Variants in BTAF1 observed in about 807,000 individuals in gnomAD.
BTAF1 encodes B-TFIID TATA-box binding protein associated factor 1.
Under a neutral mutation model 227.1 loss-of-function variants are expected in BTAF1, and 38 were observed. The observed-to-expected ratio is 0.17, with a 90% CI of 0.13 to 0.22. The LOEUF (loss-of-function observed/expected upper bound fraction) is 0.22, where lower values mean the gene tolerates loss of function less well. Ranked by LOEUF, BTAF1 falls within the 10% of genes least tolerant of loss-of-function variation. BTAF1 has a pLI of 1.00. For missense variants in BTAF1, 1,598 were observed against 2,204.0 expected (o/e 0.73, Z 5.51); for synonymous variants, 742 against 751.9 (o/e 0.99, Z 0.21).
At chr10:91,966,298 CTAGGATACA>C (rs1846906732) in intron 13 of BTAF1, among the ~76,000 whole-genome samples, 1 of 152,134 alleles carries the variant, frequency 6.6e-6, no homozygotes, top group Non-Finnish European at 1.5e-5. Flanking sequence ...TGACTACCAG[CTAGGATACA>C]TGTCCCATTT....
In BTAF1 at chr10:91,959,218, G is replaced by A. The variant is rs1408747971; in HGVS notation, c.990+64G>A. The A allele has an allele frequency of 2.5e-6, 4 of 1,609,150 alleles. No homozygotes were observed. In the African/African-American group the frequency reaches 4.0e-5, roughly 16 times the overall value. ...TAGTTGGCATCTTTTTCCAATGTAG[G>A]GAAGTAACGAGTATGTGCCGTGAAG... On this transcript the variant is annotated intron_variant, in intron 9 of 37. Transcript: ENST00000265990.
At chr10:91,940,278 T>G (rs1023795986) in intron 3 of BTAF1, among the ~76,000 whole-genome samples, 1 of 152,152 alleles carries the variant, frequency 6.6e-6, no homozygotes, top group Non-Finnish European at 1.5e-5. Flanking sequence ...TTGTATACAT[T>G]TTAAATTACA....
At chr10:92,014,861 C>T (rs573877304) in intron 32 of BTAF1, among the ~76,000 whole-genome samples, 54 of 152,240 alleles carry the variant, frequency 3.5e-4, no homozygotes, top group Non-Finnish European at 6.3e-4. Flanking sequence ...CCAATTGTTC[C>T]AAGGCTACAA....
intron 32 of BTAF1, among the ~76,000 whole-genome samples, chr10:92,014,827 C>A (rs1025061674): frequency 1.5e-4 from 23 of 152,192 alleles, no homozygotes; most frequent in African/African-American, 5.3e-4. Context: ...ATAGAGTGTA[C>A]TTACACACAC....
chr10:91,960,188 G>C, intron 11 of BTAF1, 34 bp downstream of exon 11: 1 of 1,596,562 alleles, frequency 6.3e-7, no homozygotes, highest in Non-Finnish European at 8.5e-7. Flanking sequence ...TTATGTGGGA[G>C]AGTTTTTTCC....
intron 1 of BTAF1, among the ~76,000 whole-genome samples, chr10:91,924,853 C>T (rs1160898719): frequency 6.6e-6 from 1 of 152,066 alleles, no homozygotes; most frequent in African/African-American, 2.4e-5. Flanking sequence ...ATTTGGTGAC[C>T]CTCTGTACAT....
At chr10:91,995,742 A>G (rs760087001) in intron 23 of BTAF1, among the ~76,000 whole-genome samples, 1 of 152,166 alleles carries the variant, frequency 6.6e-6, no homozygotes, top group Non-Finnish European at 1.5e-5. Context: ...ATAATTAGCA[A>G]CATGCATTCA....
rs1848156383 is a variant in BTAF1, at chr10:91,982,737, C to T, written c.2199C>T (p.Ile733=). 4 of 1,611,998 alleles carry T rather than the reference C, an allele frequency of 2.5e-6. No homozygotes were observed. The highest frequency in any genetic ancestry group is 3.4e-6 in the Non-Finnish European group (4 of 1,179,056). ...ALQRISVALV[I]CEWAALQKEC... ...AGAGGATTAGTGTAGCTTTGGTAAT[C>T]TGTGAATGGGCTGCTTTACAAAAGG... Residue 733 remains isoleucine, a synonymous_variant, in exon 18 of 38, where the codon ATC becomes ATT. Transcript: ENST00000265990.
chr10:92,025,993 A>T (rs1158675427), intron 35 of BTAF1, among the ~76,000 whole-genome samples: 4 of 152,182 alleles, frequency 2.6e-5, no homozygotes, highest in Admixed American at 2.6e-4. Context: ...TAAAATAGGG[A>T]TATTGGTAAT....
Position 91,924,047 on chromosome 10 carries a change from C to T in BTAF1, c.-30C>T. The T allele has an allele frequency of 6.2e-7, 1 of 1,604,686 alleles. No homozygotes were observed. The highest frequency in any genetic ancestry group is 8.5e-7 in the Non-Finnish European group (1 of 1,177,088). On this transcript the variant is annotated 5_prime_UTR_variant, in exon 1 of 38. Transcript: ENST00000265990. ...CCTCAGCTGCGCGGCGCGTAGGTCG[C>T]GGGGAGCTCCGAACCGCCGGCGCCC...
At chr10:91,926,274 AT>A (rs1047546535) in intron 1 of BTAF1, among the ~76,000 whole-genome samples, 3 of 152,114 alleles carry the variant, frequency 2.0e-5, no homozygotes, top group Admixed American at 6.5e-5. Flanking sequence ...AATCTAAAAT[AT>A]TTTTTGCACT....
intron 20 of BTAF1, among the ~76,000 whole-genome samples, chr10:91,991,747 C>T (rs1256154650): frequency 6.8e-6 from 1 of 147,724 alleles, no homozygotes; most frequent in Non-Finnish European, 1.5e-5. Flanking sequence ...AGAGAAAGAC[C>T]CTGTCTCAGA....
At chr10:91,987,830 A>G (rs1262415205) in intron 19 of BTAF1, among the ~76,000 whole-genome samples, 2 of 152,088 alleles carry the variant, frequency 1.3e-5, no homozygotes, top group African/African-American at 4.8e-5. Flanking sequence ...AGTACGCTAC[A>G]CTTATTCACT....
chr10:91,973,993 C>G (rs1015247582), intron 14 of BTAF1, among the ~76,000 whole-genome samples: 3 of 150,364 alleles, frequency 2.0e-5, no homozygotes, highest in Non-Finnish European at 1.5e-5. Flanking sequence ...CAGCTTTTAA[C>G]TAAATTTTAT....
In BTAF1 at chr10:92,029,155, AT is replaced by A. The variant is rs1851729199; in HGVS notation, c.*223del. ...TAATGTGAAATGGTTTAAATTTTAC[AT>A]GCTGAAAAGCTGCAGAGCAGAGGAA... On this transcript the variant is annotated 3_prime_UTR_variant, in exon 38 of 38. Transcript: ENST00000265990. 2.9e-5 allele frequency: 12 copies of A among 415,340 alleles called. No homozygotes were observed. In the East Asian group the frequency reaches 5.6e-4, roughly 20 times the overall value. 25.7% of individuals were successfully genotyped at this position (415,340 alleles called of 1,614,324 possible).
chr10:92,024,732 G>GTTTTTTTGT (rs66512665), intron 34 of BTAF1, 24 bp from the exon 35 acceptor site: 89,639 of 1,187,512 alleles, frequency 0.075, 1,130 homozygotes, highest in Non-Finnish European at 0.08. Context: ...CGCTTATGTA[G>GTTTTTTTGT]TTTTTTTTTT....
intron 5 of BTAF1, 74 bp downstream of exon 5, chr10:91,951,640 TA>T: frequency 1.4e-6 from 2 of 1,448,556 alleles, no homozygotes. Context: ...TATGTAATTA[TA>T]GTTTAAGAAA....
At chr10:91,968,075 C>T (rs1055238008) in intron 14 of BTAF1, among the ~76,000 whole-genome samples, 4 of 152,092 alleles carry the variant, frequency 2.6e-5, no homozygotes, top group South Asian at 4.2e-4. Flanking sequence ...CAGTAGGGTT[C>T]GTTCACTCTT....
At chr10:91,963,915 A>C (rs1404380671) in intron 12 of BTAF1, among the ~76,000 whole-genome samples, 162 bp from the exon 13 acceptor site, 1 of 152,200 alleles carries the variant, frequency 6.6e-6, no homozygotes, top group Admixed American at 6.5e-5. Flanking sequence ...TGTTAAAGGC[A>C]AATAGTGTGA....
Sources: allele counts gnomAD v4.1 joint callset (sites outside exome capture counted in the v4.1 genomes callset), GRCh38; gene constraint gnomAD v4.1.1; transcripts MANE v1.5; gene names NCBI Gene and HGNC (gene_info 2026-07-23, HGNC 2026-07-21).